THSD4: variants seen among roughly 807,000 people sequenced by gnomAD.
The protein encoded by THSD4 is thrombospondin type-1 domain-containing protein 4.
In THSD4, 69 loss-of-function variants were observed where a neutral mutation model predicts 119.0. That is an observed-to-expected ratio of 0.58 (90% CI 0.48 to 0.71). The LOEUF is 0.71. Among genes scored for constraint, THSD4 ranks in the 30% least tolerant of loss-of-function variants. The pLI, the probability that THSD4 is intolerant of heterozygous loss-of-function variation, is 0.00. For synonymous variants in THSD4, 524 were observed against 540.4 expected, an observed-to-expected ratio of 0.97 and a Z score of 0.42; for missense variants, 1,393 against 1,391.1, an observed-to-expected ratio of 1.00 and a Z score of -0.02.
intron 7 of THSD4, among the ~76,000 whole-genome samples, chr15:71,640,977 A>G (rs990870907): frequency 2.9e-5 from 3 of 102,502 alleles, no homozygotes; most frequent in African/African-American, 1.2e-4. Context: ...AAACCCACCT[A>G]CAGACACACA....
chr15:71,399,478 TC>T (rs1473993435), intron 6 of THSD4, among the ~76,000 whole-genome samples: 1 of 152,168 alleles, frequency 6.6e-6, no homozygotes, highest in Non-Finnish European at 1.5e-5. Flanking sequence ...AAAGGAAACT[TC>T]CTCCTTGCAA....
At chr15:71,264,249 A>G (rs141815397) in intron 6 of THSD4, among the ~76,000 whole-genome samples, 16 of 152,364 alleles carry the variant, frequency 1.1e-4, no homozygotes, top group South Asian at 4.1e-4. Context: ...AGGCACTCTC[A>G]TTCCCGCAGC....
chr15:71,602,553 CAAAAAAAAAAAAAAAA>C (rs59370074), intron 7 of THSD4, among the ~76,000 whole-genome samples: 1 of 53,878 alleles, frequency 1.9e-5, no homozygotes, highest in Non-Finnish European at 3.3e-5. Context: ...AACTCTGTCT[CAAAAAAAAAAAAAAAA>C]AAAAAAAAAA....
intron 6 of THSD4, among the ~76,000 whole-genome samples, chr15:71,395,007 C>A (rs1242048074): frequency 1.3e-5 from 2 of 152,118 alleles, no homozygotes; most frequent in Non-Finnish European, 2.9e-5. Context: ...CAAGGATAGT[C>A]TGGACAGGTG....
At chr15:71,711,375 C>T (rs1380202958) in intron 8 of THSD4, among the ~76,000 whole-genome samples, 2 of 151,934 alleles carry the variant, frequency 1.3e-5, no homozygotes, top group Non-Finnish European at 2.9e-5. Context: ...TAAATATTAA[C>T]TCAAAGTAGA....
chr15:71,202,114 G>A (rs78400560), intron 3 of THSD4, among the ~76,000 whole-genome samples: 4,551 of 152,110 alleles, frequency 0.03, 237 homozygotes, highest in African/African-American at 0.1. Flanking sequence ...TCTTTCAGGC[G>A]AGACCACACC....
At chr15:71,316,809 G>T (rs2045192614) in intron 6 of THSD4, among the ~76,000 whole-genome samples, 1 of 152,180 alleles carries the variant, frequency 6.6e-6, no homozygotes, top group African/African-American at 2.4e-5. Flanking sequence ...AAATGTAATG[G>T]ATCTTAGGGC....
intron 3 of THSD4, among the ~76,000 whole-genome samples, chr15:71,181,983 A>C (rs1349285720): frequency 2.0e-5 from 3 of 152,206 alleles, no homozygotes; most frequent in Admixed American, 1.3e-4. Flanking sequence ...ATGTTGAGAG[A>C]TCATCAGAGG....
chr15:71,341,737 T>C (rs752191282), intron 6 of THSD4: 11 of 917,686 alleles, frequency 1.2e-5, no homozygotes, highest in Non-Finnish European at 1.7e-5. Flanking sequence ...TCAGGCTGCT[T>C]AGGAAAAGAG....
intron 8 of THSD4, among the ~76,000 whole-genome samples, chr15:71,716,592 T>G (rs1358701876): frequency 7.9e-5 from 5 of 63,370 alleles, no homozygotes; most frequent in South Asian, 3.6e-4. Context: ...TGGTTTTTGT[T>G]TTTTTTTTTG....
intron 7 of THSD4, among the ~76,000 whole-genome samples, chr15:71,428,985 G>C (rs888779394): frequency 2.0e-5 from 3 of 152,094 alleles, no homozygotes; most frequent in Non-Finnish European, 4.4e-5. Flanking sequence ...GTATGGTATC[G>C]CACACTAGGA....
chr15:71,189,195 T>C (rs1441886547), intron 3 of THSD4, among the ~76,000 whole-genome samples: 1 of 152,192 alleles, frequency 6.6e-6, no homozygotes, highest in Non-Finnish European at 1.5e-5. Context: ...CTGCTGGAGG[T>C]GACCAGCTAT....
chr15:71,206,163 C>T (rs2043842136), intron 3 of THSD4, among the ~76,000 whole-genome samples: 1 of 152,156 alleles, frequency 6.6e-6, no homozygotes, highest in Admixed American at 6.5e-5. Flanking sequence ...AAGTGTGCAC[C>T]ACCACGCCTG....
chr15:71,635,007 C>A (rs2050712405), intron 7 of THSD4, among the ~76,000 whole-genome samples: 1 of 152,184 alleles, frequency 6.6e-6, no homozygotes, highest in Admixed American at 6.5e-5. Context: ...CCCATTAAGA[C>A]CGTCAGATAT....
intron 7 of THSD4, among the ~76,000 whole-genome samples, chr15:71,491,194 C>T (rs959705854): frequency 2.6e-5 from 4 of 152,184 alleles, no homozygotes; most frequent in African/African-American, 9.7e-5. Context: ...CCTCCACACC[C>T]TTGACAACAC....
At chr15:71,562,500 A>G (rs1030979769) in intron 7 of THSD4, among the ~76,000 whole-genome samples, 6 of 152,158 alleles carry the variant, frequency 3.9e-5, no homozygotes, top group East Asian at 3.8e-4. Context: ...AGTGGTTCGC[A>G]TATATGCCGA....
At chr15:71,566,761 C>T (rs1310262636) in intron 7 of THSD4, among the ~76,000 whole-genome samples, 7 of 151,056 alleles carry the variant, frequency 4.6e-5, no homozygotes, top group Admixed American at 3.3e-4. Flanking sequence ...GCTCCCCGCT[C>T]CCCCTGCCAT....
At chr15:71,211,001 A>G (rs2043884351) in intron 3 of THSD4, among the ~76,000 whole-genome samples, 1 of 152,186 alleles carries the variant, frequency 6.6e-6, no homozygotes, top group African/African-American at 2.4e-5. Context: ...ATGAACTACT[A>G]AAAGTAGAGC....
At chr15:71,749,600 G>A (rs371712375) in intron 14 of THSD4, among the ~76,000 whole-genome samples, 5 of 152,116 alleles carry the variant, frequency 3.3e-5, no homozygotes, top group East Asian at 1.9e-4. Context: ...CCTGTGAACC[G>A]CATTAAAGTG....
Sources: allele counts gnomAD v4.1 joint callset (sites outside exome capture counted in the v4.1 genomes callset), GRCh38; gene constraint gnomAD v4.1.1; transcripts MANE v1.5; gene names NCBI Gene and HGNC (gene_info 2026-07-23, HGNC 2026-07-21).